Variants in TMEM161B observed in about 807,000 individuals in gnomAD.
TMEM161B encodes the protein transmembrane protein 161B.
In TMEM161B, 34 loss-of-function variants were observed where a neutral mutation model predicts 61.8. The ratio of observed to expected loss-of-function variants is 0.55; its 90% CI spans 0.42 to 0.73. The LOEUF (loss-of-function observed/expected upper bound fraction) is 0.73, where lower values mean the gene tolerates loss of function less well. Ranked by LOEUF, TMEM161B falls within the 30% of genes least tolerant of loss-of-function variation. TMEM161B has a pLI of 0.00. For missense variants in TMEM161B, 456 were observed against 558.5 expected, an observed-to-expected ratio of 0.82 and a Z score of 1.85; for synonymous variants, 167 against 192.8, an observed-to-expected ratio of 0.87 and a Z score of 1.11.
At chr5:88,221,598 C>T (rs1228309821) in intron 4 of TMEM161B, 1 of 426,958 alleles carries the variant, frequency 2.3e-6, no homozygotes. Flanking sequence ...AAACCATACC[C>T]CTTCAACAAA....
chr5:88,262,480 C>T lies in TMEM161B; in HGVS notation c.3+6241G>A, dbSNP rs191749563. Among the ~76,000 whole-genome samples the T allele has an allele frequency of 4.3e-4, 65 of 152,084 alleles. No individual in the cohort carries two copies. The East Asian group carries it at 8.5e-3, about 20-fold the overall frequency. On this transcript the variant is annotated intron_variant, in intron 1 of 11. Transcript: ENST00000296595. ...TTTATATCACCTTTGTTCATAATTGCCAAAATCTGGAAGCAACCAAGATAT... is the reference window on the plus strand; with the variant it reads ...TTTATATCACCTTTGTTCATAATTGTCAAAATCTGGAAGCAACCAAGATAT...
chr5:88,258,565 C>T (rs995066321), intron 1 of TMEM161B, among the ~76,000 whole-genome samples: 9 of 152,006 alleles, frequency 5.9e-5, no homozygotes, highest in East Asian at 1.9e-4. Context: ...TTATGGAACA[C>T]GAATACTTAA....
intron 8 of TMEM161B, among the ~76,000 whole-genome samples, chr5:88,204,132 CAG>C (rs919839304): frequency 6.6e-6 from 1 of 151,884 alleles, no homozygotes; most frequent in African/African-American, 2.4e-5. Context: ...AAACACCTAA[CAG>C]GGAAAGGCAG....
chr5:88,211,443 A>C lies in TMEM161B; in HGVS notation c.447-4263T>G, dbSNP rs1746735300. Among the ~76,000 whole-genome samples, 3 of 151,930 alleles carry C rather than the reference A, an allele frequency of 2.0e-5. No homozygotes were observed. The South Asian group carries it at 6.2e-4, about 32-fold the overall frequency. On this transcript the variant is annotated intron_variant, in intron 5 of 11. Transcript: ENST00000296595. ...AAAAAAAAAGTCAAAAGTTCCATCA[A>C]GCAGAACAAAAAGACAAAATGAAAA...
intron 2 of TMEM161B, among the ~76,000 whole-genome samples, chr5:88,239,071 C>T (rs781647175): frequency 6.6e-6 from 1 of 151,966 alleles, no homozygotes; most frequent in African/African-American, 2.4e-5. Context: ...GCTGAGCTTA[C>T]TCTCAAATTA....
downstream of TMEM161B, among the ~76,000 whole-genome samples, chr5:88,193,738 T>C (rs1214727317): frequency 6.6e-6 from 1 of 152,160 alleles, no homozygotes; most frequent in African/African-American, 2.4e-5. Flanking sequence ...TTTTAAAATG[T>C]AGCTCTTTGG....
Position 88,195,817 on chromosome 5 carries a change from T to C in TMEM161B, c.*394A>G. 1.0e-6 allele frequency: 1 copy of C among 997,790 alleles called. No homozygotes were observed. The allele number at this position is 997,790 out of a possible 1,614,324, so 61.8% of individuals were successfully genotyped here. On this transcript the variant is annotated 3_prime_UTR_variant, in exon 12 of 12. Transcript: ENST00000296595. ...GCATGGCTCAGTTTGAAGATTGTTCTATAGGCAGCCACTATGACTATCAAC... is the reference window on the plus strand; with the variant it reads ...GCATGGCTCAGTTTGAAGATTGTTCCATAGGCAGCCACTATGACTATCAAC...
chr5:88,230,654 A>G (rs573697126), intron 2 of TMEM161B, among the ~76,000 whole-genome samples: 1 of 152,072 alleles, frequency 6.6e-6, no homozygotes, highest in Non-Finnish European at 1.5e-5. Context: ...TGCTTTTTGC[A>G]TATATTCTTC....
intron 1 of TMEM161B, among the ~76,000 whole-genome samples, chr5:88,268,143 C>T (rs1205913105): frequency 6.6e-6 from 1 of 152,194 alleles, no homozygotes; most frequent in African/African-American, 2.4e-5. Context: ...CTTCAACCTT[C>T]CTCCACACCC....
At position 88,240,820 on chromosome 5, in the gene TMEM161B, T is replaced by C; in HGVS notation, c.100A>G (p.Asn34Asp). 1 of 1,610,962 alleles carries C rather than the reference T, an allele frequency of 6.2e-7. No individual in the cohort carries two copies. Among genetic ancestry groups the C allele is most frequent in the Non-Finnish European group, 8.5e-7 (1 of 1,177,770 alleles). Residue 34 changes from asparagine (N) to aspartate (D), a missense_variant, in exon 2 of 12, where the codon AAT becomes GAT. Coordinates refer to ENST00000296595, the MANE Select transcript of TMEM161B (RefSeq NM_153354.5). ...HYSLARWLLC[N>D]GSLRWYQHPT... Reference sequence around the variant, plus strand: ...AGCCTATCCTTGCCTTACCTGCCATTACAGAGTAGCCATCGAGCAAGAGAA... The same window carrying C: ...AGCCTATCCTTGCCTTACCTGCCATCACAGAGTAGCCATCGAGCAAGAGAA...
intron 2 of TMEM161B, among the ~76,000 whole-genome samples, chr5:88,234,140 TA>T (rs556806559): frequency 2.0e-5 from 3 of 151,376 alleles, no homozygotes; most frequent in Non-Finnish European, 2.9e-5. Context: ...GGGAGAAGTT[TA>T]AAAAAAAAGT....
intron 1 of TMEM161B, among the ~76,000 whole-genome samples, chr5:88,261,075 C>G (rs1425063275): frequency 1.3e-5 from 2 of 152,048 alleles, no homozygotes; most frequent in African/African-American, 4.8e-5. Context: ...GCAATTATAG[C>G]AAGGTTGCAG....
At chr5:88,258,203 C>T (rs1435290669) in intron 1 of TMEM161B, among the ~76,000 whole-genome samples, 1 of 152,200 alleles carries the variant, frequency 6.6e-6, no homozygotes, top group Non-Finnish European at 1.5e-5. Flanking sequence ...GCGTGCTTAT[C>T]TGTCCCTATT....
chr5:88,224,961 T>G (rs973795551), intron 4 of TMEM161B, among the ~76,000 whole-genome samples: 3 of 134,092 alleles, frequency 2.2e-5, no homozygotes, highest in African/African-American at 8.5e-5. Flanking sequence ...CAAAATATGT[T>G]TTTGTTTTTT....
chr5:88,211,826 A>G (rs1205070258), intron 5 of TMEM161B, among the ~76,000 whole-genome samples: 2 of 152,042 alleles, frequency 1.3e-5, no homozygotes, highest in Non-Finnish European at 2.9e-5. Context: ...TCCAGAACAT[A>G]CAATATCTGA....
intron 1 of TMEM161B, among the ~76,000 whole-genome samples, chr5:88,242,513 A>G (rs974515335): frequency 2.8e-5 from 4 of 145,022 alleles, no homozygotes; most frequent in African/African-American, 9.8e-5. Context: ...AAAAAACAGT[A>G]TGCCTATTGG....
intron 1 of TMEM161B, among the ~76,000 whole-genome samples, chr5:88,253,428 T>G (rs1754594477): frequency 6.6e-6 from 1 of 152,110 alleles, no homozygotes; most frequent in Non-Finnish European, 1.5e-5. Context: ...AGAGGTGACA[T>G]CCGAACTAGT....
intron 1 of TMEM161B, among the ~76,000 whole-genome samples, chr5:88,251,365 A>G (rs570932972): frequency 9.2e-5 from 14 of 152,110 alleles, no homozygotes; most frequent in Admixed American, 2.6e-4. Flanking sequence ...CTCCTGAGCA[A>G]TAAGGGATTA....
downstream of TMEM161B, among the ~76,000 whole-genome samples, chr5:88,188,599 G>A (rs1224224704): frequency 1.3e-5 from 2 of 152,180 alleles, no homozygotes; most frequent in Non-Finnish European, 2.9e-5. Context: ...ATAAAATAAA[G>A]CAGGCAGAAG....
Sources: gnomAD v4.1 joint callset for allele counts (sites outside exome capture counted in the v4.1 genomes callset) on GRCh38, gnomAD v4.1.1 for gene constraint, MANE v1.5 for transcripts, NCBI Gene and HGNC (gene_info 2026-07-23, HGNC 2026-07-21) for gene names.